Variants in IGSF11 observed in about 807,000 individuals in gnomAD.
IGSF11 encodes the protein immunoglobulin superfamily member 11.
Under a neutral mutation model 41.0 loss-of-function variants are expected in IGSF11, and 22 were observed. The observed-to-expected ratio is 0.54, with a 90% CI of 0.38 to 0.77. The LOEUF (loss-of-function observed/expected upper bound fraction) is 0.77, where lower values mean the gene tolerates loss of function less well. Ranked by LOEUF, IGSF11 falls within the 30% of genes least tolerant of loss-of-function variation. The probability of loss-of-function intolerance (pLI) is 0.00; values close to 1 mark genes in which losing one functional copy is unlikely to be tolerated. For missense variants in IGSF11, 444 were observed against 530.8 expected, an observed-to-expected ratio of 0.84 and a Z score of 1.61; for synonymous variants, 219 against 201.3, an observed-to-expected ratio of 1.09 and a Z score of -0.74.
chr3:119,085,546 G>A (rs1181243136), intron 1 of IGSF11, among the ~76,000 whole-genome samples: 1 of 152,196 alleles, frequency 6.6e-6, no homozygotes, highest in Non-Finnish European at 1.5e-5. Flanking sequence ...AATCTGAAAT[G>A]TCTGAAGTAA....
intron 1 of IGSF11, among the ~76,000 whole-genome samples, chr3:118,964,527 G>A (rs1214177262): frequency 1.3e-5 from 2 of 152,106 alleles, no homozygotes; most frequent in African/African-American, 4.8e-5. Context: ...CAGGAAAAAA[G>A]CATGGAGAAG....
At chr3:119,050,793 A>G (rs1941589189) in intron 1 of IGSF11, among the ~76,000 whole-genome samples, 1 of 151,924 alleles carries the variant, frequency 6.6e-6, no homozygotes, top group Non-Finnish European at 1.5e-5. Context: ...TGGCACATAT[A>G]CACCATGGAA....
chr3:118,995,818 A>G (rs1350596122), intron 1 of IGSF11, among the ~76,000 whole-genome samples: 1 of 151,928 alleles, frequency 6.6e-6, no homozygotes, highest in Non-Finnish European at 1.5e-5. Context: ...ACGCCCCGCT[A>G]ATTTTTTTTT....
At chr3:118,905,418 G>A (rs1384033515) in intron 5 of IGSF11, among the ~76,000 whole-genome samples, 178 bp downstream of exon 5, 1 of 152,132 alleles carries the variant, frequency 6.6e-6, no homozygotes, top group East Asian at 1.9e-4. Context: ...TATTGCTGAG[G>A]CTGGAAAGTA....
At chr3:119,115,729 T>G (rs2107525146) in intron 1 of IGSF11, among the ~76,000 whole-genome samples, 1 of 152,302 alleles carries the variant, frequency 6.6e-6, no homozygotes, top group South Asian at 2.1e-4. Flanking sequence ...TGTTTCCTTT[T>G]CGGTGAAGCT....
Position 119,065,246 on chromosome 3 carries a change from CT to C in IGSF11, c.49+39897del, listed in dbSNP as rs1942186880. Reference sequence around the variant, plus strand: ...CACTAAATTTTCTCAAATACCTTCTCTGTATCTGCTGCAATGATAATGTCAC... The same window carrying C: ...CACTAAATTTTCTCAAATACCTTCTCGTATCTGCTGCAATGATAATGTCAC... On this transcript the variant is annotated intron_variant, in intron 1 of 6. Coordinates refer to the IGSF11 transcript ENST00000354673. 2.6e-5 allele frequency among the ~76,000 whole-genome samples: 4 copies of C among 152,328 alleles called. No individual in the cohort carries two copies. In the East Asian group the frequency reaches 7.7e-4, roughly 29 times the overall value.
chr3:119,144,067 T>C (rs1267442777), intron 1 of IGSF11, among the ~76,000 whole-genome samples: 1 of 151,358 alleles, frequency 6.6e-6, no homozygotes, highest in Non-Finnish European at 1.5e-5. Flanking sequence ...ACTTTTTTTG[T>C]GTGAAATAGG....
At chr3:118,955,196 G>T (rs1944862173) in intron 1 of IGSF11, among the ~76,000 whole-genome samples, 1 of 149,056 alleles carries the variant, frequency 6.7e-6, no homozygotes, top group South Asian at 2.1e-4. Context: ...AGAAATTGTG[G>T]TATGTATGTA....
intron 1 of IGSF11, among the ~76,000 whole-genome samples, chr3:118,979,675 C>T (rs1265748617): frequency 1.3e-5 from 2 of 152,058 alleles, no homozygotes; most frequent in Non-Finnish European, 2.9e-5. Flanking sequence ...CAAAAATAGA[C>T]AAATGGGACT....
intron 1 of IGSF11, among the ~76,000 whole-genome samples, chr3:118,977,355 G>GC (rs1282311440): frequency 6.6e-6 from 1 of 152,088 alleles, no homozygotes; most frequent in Non-Finnish European, 1.5e-5. Context: ...ATTCCTCAGT[G>GC]CCCCACACTA....
intron 1 of IGSF11, chr3:119,013,193 G>A (rs1347744461): frequency 6.6e-6 from 1 of 152,230 alleles, no homozygotes; most frequent in Non-Finnish European, 1.5e-5. Context: ...AGGATAAACA[G>A]AAGTTCAGCA....
At chr3:119,063,852 G>T (rs1942133698) in intron 1 of IGSF11, among the ~76,000 whole-genome samples, 1 of 152,222 alleles carries the variant, frequency 6.6e-6, no homozygotes, top group Non-Finnish European at 1.5e-5. Context: ...AGGCCAGGAA[G>T]TCAAATGTGA....
intron 6 of IGSF11, among the ~76,000 whole-genome samples, 190 bp from the exon 7 acceptor site, chr3:118,903,151 C>A (rs138581920): frequency 6.6e-6 from 1 of 152,086 alleles, no homozygotes; most frequent in African/African-American, 2.4e-5. Flanking sequence ...CCCTTTGAGA[C>A]AACGGTCAAG....
chr3:119,100,622 C>T (rs1249582528), intron 1 of IGSF11, among the ~76,000 whole-genome samples: 1 of 152,204 alleles, frequency 6.6e-6, no homozygotes, highest in Non-Finnish European at 1.5e-5. Flanking sequence ...TAACTTCATA[C>T]TTCAACTTAT....
chr3:119,119,467 G>A (rs920874949), intron 1 of IGSF11, among the ~76,000 whole-genome samples: 1 of 152,072 alleles, frequency 6.6e-6, no homozygotes, highest in Non-Finnish European at 1.5e-5. Flanking sequence ...CTCCTACCAG[G>A]TCCCTCCCAC....
At chr3:119,127,321 A>G (rs1345936617) in intron 1 of IGSF11, among the ~76,000 whole-genome samples, 2 of 149,400 alleles carry the variant, frequency 1.3e-5, no homozygotes, top group Admixed American at 1.3e-4. Flanking sequence ...TGCAGACAAG[A>G]ATTAAAAAAA....
chr3:118,993,530 T>A (rs1018935744), intron 1 of IGSF11, among the ~76,000 whole-genome samples: 5 of 152,170 alleles, frequency 3.3e-5, no homozygotes, highest in Non-Finnish European at 7.3e-5. Flanking sequence ...AATAAAAACA[T>A]ATCACATAAA....
At chr3:119,118,423 G>T (rs2107527487) in intron 1 of IGSF11, among the ~76,000 whole-genome samples, 1 of 152,324 alleles carries the variant, frequency 6.6e-6, no homozygotes, top group Non-Finnish European at 1.5e-5. Context: ...CTCAACTTTG[G>T]TCCCTTTCGG....
At chr3:118,959,777 A>G (rs1055240944) in intron 1 of IGSF11, among the ~76,000 whole-genome samples, 1 of 152,282 alleles carries the variant, frequency 6.6e-6, no homozygotes, top group South Asian at 2.1e-4. Flanking sequence ...GGCCGGGCGC[A>G]GTAGCTCACA....
Sources: allele counts gnomAD v4.1 joint callset (sites outside exome capture counted in the v4.1 genomes callset), GRCh38; gene constraint gnomAD v4.1.1; transcripts MANE v1.5; gene names NCBI Gene and HGNC (gene_info 2026-07-23, HGNC 2026-07-21).